The following KIF13A variants were observed in gnomAD, a reference collection of about 807,000 sequenced individuals.
The protein encoded by KIF13A is kinesin-like protein KIF13A.
Under a neutral mutation model 212.2 loss-of-function variants are expected in KIF13A, and 79 were observed. That is an observed-to-expected ratio of 0.37 (90% CI 0.31 to 0.45). The LOEUF is 0.45. KIF13A is among the 20% of genes least tolerant of loss of function. The probability of loss-of-function intolerance (pLI) is 1.00; values close to 1 mark genes in which losing one functional copy is unlikely to be tolerated. For missense variants in KIF13A, 1,901 were observed against 2,209.0 expected, an observed-to-expected ratio of 0.86 and a Z score of 2.79; for synonymous variants, 789 against 808.6, an observed-to-expected ratio of 0.98 and a Z score of 0.41.
chr6:17,810,968 T>G (rs1320047366), intron 17 of KIF13A, among the ~76,000 whole-genome samples: 2 of 152,184 alleles, frequency 1.3e-5, no homozygotes, highest in African/African-American at 4.8e-5. Context: ...CCGTACCAGT[T>G]TGTGGTCTGG....
chr6:17,904,408 C>T (rs2150492537), intron 2 of KIF13A, among the ~76,000 whole-genome samples: 1 of 152,130 alleles, frequency 6.6e-6, no homozygotes, highest in Admixed American at 6.5e-5. Flanking sequence ...GCGGAGGTTG[C>T]AGTGAGCCGA....
chr6:17,948,405 A>G (rs930128048), intron 2 of KIF13A, among the ~76,000 whole-genome samples: 8 of 152,178 alleles, frequency 5.3e-5, no homozygotes, highest in Admixed American at 4.6e-4. Flanking sequence ...ATACAGAGTC[A>G]AATTACTCCC....
intron 32 of KIF13A, 57 bp from the exon 33 acceptor site, chr6:17,779,156 A>C (rs1760257841): frequency 2.0e-6 from 3 of 1,493,130 alleles, no homozygotes; most frequent in Middle Eastern, 3.5e-4. Context: ...TTTCATCCAA[A>C]GTGTGGTGAG....
In KIF13A at chr6:17,849,231, G is replaced by C. The variant is rs1478535719; in HGVS notation, c.830+146C>G. The C allele has an allele frequency of 1.2e-5, 7 of 589,170 alleles. No individual in the cohort carries two copies. Among genetic ancestry groups the C allele is most frequent in the Admixed American group, 3.3e-5 (1 of 30,312 alleles). 36.5% of individuals were successfully genotyped at this position (589,170 alleles called of 1,614,324 possible). A position where few individuals can be genotyped will look rare whatever the true frequency, so the allele number is the denominator to read the frequency against. ...AACCTCATACATCTTAACAGACACA[G>C]GTTGTTGTTGTTTTTCTTCAGCCCA... On this transcript the variant is annotated intron_variant, in intron 9 of 38. Transcript: ENST00000259711. The surrounding 1 kb of genome is among the most constrained non-coding windows in gnomAD (Gnocchi z 5.7).
chr6:17,976,466 G>T (rs949402666), intron 2 of KIF13A, among the ~76,000 whole-genome samples: 1 of 152,208 alleles, frequency 6.6e-6, no homozygotes, highest in South Asian at 2.1e-4. Flanking sequence ...CGGCAAGGCC[G>T]GCTGGCTGCT....
intron 4 of KIF13A, 34 bp downstream of exon 4, chr6:17,873,343 G>A (rs1276332399): frequency 5.5e-6 from 8 of 1,458,282 alleles, no homozygotes; most frequent in Non-Finnish European, 7.6e-6. Flanking sequence ...GAGGCCAGAA[G>A]CCCAACTGTC....
intron 35 of KIF13A, among the ~76,000 whole-genome samples, chr6:17,774,453 T>C (rs762625104): frequency 1.3e-5 from 2 of 152,108 alleles, no homozygotes; most frequent in African/African-American, 2.4e-5. Flanking sequence ...GAACCTATCA[T>C]GGTAAGTAAC....
At chr6:17,955,791 T>C (rs532204896) in intron 2 of KIF13A, among the ~76,000 whole-genome samples, 1 of 152,336 alleles carries the variant, frequency 6.6e-6, no homozygotes, top group South Asian at 2.1e-4. Flanking sequence ...CAATTCAGTG[T>C]AGTTTGTTTC....
At chr6:17,939,739 AT>A (rs1776782888) in intron 2 of KIF13A, among the ~76,000 whole-genome samples, 1 of 152,176 alleles carries the variant, frequency 6.6e-6, no homozygotes, top group Non-Finnish European at 1.5e-5. Flanking sequence ...GCTAATTATA[AT>A]TCATTAGCAG....
intron 2 of KIF13A, among the ~76,000 whole-genome samples, chr6:17,960,969 G>A (rs2150586866): frequency 6.6e-6 from 1 of 152,278 alleles, no homozygotes; most frequent in East Asian, 1.9e-4. Flanking sequence ...GAGAAACTAA[G>A]CCTCCTTTCA....
chr6:17,877,798 C>G (rs1471860642), intron 3 of KIF13A, among the ~76,000 whole-genome samples: 1 of 151,952 alleles, frequency 6.6e-6, no homozygotes, highest in Admixed American at 6.6e-5. Context: ...ATCCTCCCAC[C>G]AAGAACCTTT....
In KIF13A at chr6:17,984,342, G is replaced by A. The variant is rs1781365625; in HGVS notation, c.146+2712C>T. 6.6e-6 allele frequency among the ~76,000 whole-genome samples: 1 copy of A among 152,168 alleles called. No individual in the cohort carries two copies. The highest frequency in any genetic ancestry group is 1.5e-5 in the Non-Finnish European group (1 of 68,048). On this transcript the variant is annotated intron_variant, in intron 2 of 38. Transcript: ENST00000259711. This position sits in a 1 kb window ranked among gnomAD's most constrained non-coding sequence, Gnocchi z 5.0. ...CTGAAATGATCTGAACTTCATAAATGTCTCCTGGAGAGCAATGCAATGGTA... is the reference window on the plus strand; with the variant it reads ...CTGAAATGATCTGAACTTCATAAATATCTCCTGGAGAGCAATGCAATGGTA...
At chr6:17,821,187 T>C (rs1326265144) in intron 16 of KIF13A, among the ~76,000 whole-genome samples, 1 of 152,166 alleles carries the variant, frequency 6.6e-6, no homozygotes, top group African/African-American at 2.4e-5. Context: ...AGAGCTGCCA[T>C]TGACATTGAA....
At position 17,797,892 on chromosome 6, in the gene KIF13A, C is replaced by T. The variant is rs561884861; in HGVS notation, c.2791-1072G>A. On this transcript the variant is annotated intron_variant, in intron 22 of 38. Coordinates refer to ENST00000259711, the MANE Select transcript of KIF13A (RefSeq NM_022113.6). ...CAGCCTGGGCAACAGAGTGAGACAT[C>T]GTCTTTAAAAATAAAAACAAACCCA... Among the ~76,000 whole-genome samples the T allele has an allele frequency of 3.9e-5, 6 of 152,142 alleles. No individual in the cohort carries two copies. In the East Asian group the frequency reaches 7.7e-4, roughly 20 times the overall value.
rs1209927529 is a variant in KIF13A at position 17,984,513 on chromosome 6, C to T, written c.146+2541G>A. 2.0e-6 allele frequency: 2 copies of T among 984,906 alleles called. No homozygotes were observed. Among genetic ancestry groups the T allele is most frequent in the East Asian group, 2.3e-4 (2 of 8,830 alleles). The allele number at this position is 984,906 out of a possible 1,614,324, so 61.0% of individuals were successfully genotyped here. On this transcript the variant is annotated intron_variant, in intron 2 of 38. Transcript: ENST00000259711. This position sits in a 1 kb window ranked among gnomAD's most constrained non-coding sequence, Gnocchi z 5.0. The stretch of plus-strand genomic sequence containing the variant: ...TCTTTAACCTCAGAGATCCTCTGAT[C>T]TTTTAGTCCTAGCTACACAGTCTTG...
In KIF13A at chr6:17,764,911, A is replaced by G. The variant is rs1561944042; in HGVS notation, c.4617T>C (p.Ile1539=). ...GCTGTGAACTTATTAGCTTCCTGTT[A>G]ATAGCTTCCAGCTCATTTTCTTCCT... ...SEEEENELEA[I]NRKLISSQPY... The change falls in exon 39 of 39, where the codon ATT becomes ATC. Residue 1539 remains isoleucine, a synonymous_variant. Coordinates refer to ENST00000259711, the MANE Select transcript of KIF13A (RefSeq NM_022113.6). The surrounding 1 kb of genome is among the most constrained non-coding windows in gnomAD (Gnocchi z 5.1). 4.3e-6 allele frequency: 7 copies of G among 1,612,908 alleles called. No individual in the cohort carries two copies. The highest frequency in any genetic ancestry group is 5.1e-6 in the Non-Finnish European group (6 of 1,179,372).
chr6:17,782,349 C>T (rs115675995), intron 29 of KIF13A, among the ~76,000 whole-genome samples: 4,166 of 152,162 alleles, frequency 0.027, 205 homozygotes, highest in African/African-American at 0.095. Flanking sequence ...ATTAAACACA[C>T]CTCGGAGGCT....
intron 3 of KIF13A, among the ~76,000 whole-genome samples, chr6:17,877,949 C>A (rs112840066): frequency 2.0e-5 from 3 of 152,208 alleles, no homozygotes; most frequent in Non-Finnish European, 4.4e-5. Context: ...TATCCATTCA[C>A]AAATATTTAT....
chr6:17,956,321 T>C (rs1778352152), intron 2 of KIF13A, among the ~76,000 whole-genome samples: 6 of 152,166 alleles, frequency 3.9e-5, no homozygotes, highest in Admixed American at 2.0e-4. Flanking sequence ...AATAGGTCCA[T>C]TACAAAGAAG....
Sources: allele counts gnomAD v4.1 joint callset (sites outside exome capture counted in the v4.1 genomes callset), GRCh38; gene constraint gnomAD v4.1.1; non-coding constraint Gnocchi (gnomAD v3.1); transcripts MANE v1.5; gene names NCBI Gene and HGNC (gene_info 2026-07-23, HGNC 2026-07-21).